The following IGSF21 variants were observed in gnomAD, a reference collection of about 807,000 sequenced individuals.
The protein encoded by IGSF21 is immunoglobin superfamily member 21, also known as immunoglobulin superfamily member 21.
IGSF21 carries 28 observed loss-of-function variants against 46.8 expected under a neutral mutation model. The ratio of observed to expected loss-of-function variants is 0.60; its 90% CI spans 0.44 to 0.82. The LOEUF is 0.82. Among genes scored for constraint, IGSF21 ranks in the 40% least tolerant of loss-of-function variants. IGSF21 has a pLI of 0.00. For missense variants in IGSF21, 624 were observed against 665.5 expected (o/e 0.94, Z 0.69); for synonymous variants, 284 against 273.6 (o/e 1.04, Z -0.38).
At chr1:18,188,398 C>T (rs891392624) in intron 1 of IGSF21, among the ~76,000 whole-genome samples, 2 of 152,078 alleles carry the variant, frequency 1.3e-5, no homozygotes, top group Non-Finnish European at 2.9e-5. Context: ...TTAGTGCATG[C>T]CAGTAAAATA....
At chr1:18,144,626 A>C (rs936051912) in intron 1 of IGSF21, among the ~76,000 whole-genome samples, 1 of 152,090 alleles carries the variant, frequency 6.6e-6, no homozygotes, top group African/African-American at 2.4e-5. Flanking sequence ...TAACCAGAGA[A>C]GCCTCCAGTA....
At chr1:18,171,418 G>A (rs904113651) in intron 1 of IGSF21, among the ~76,000 whole-genome samples, 2 of 152,166 alleles carry the variant, frequency 1.3e-5, no homozygotes, top group African/African-American at 4.8e-5. Context: ...GTGCCTGAAG[G>A]TCCACGATTC....
At chr1:18,246,721 AC>A (rs2084787704) in intron 2 of IGSF21, among the ~76,000 whole-genome samples, 1 of 152,146 alleles carries the variant, frequency 6.6e-6, no homozygotes, top group Admixed American at 6.5e-5. Context: ...TGTCTAGCGC[AC>A]CCTGGCGGCA....
Position 18,273,508 on chromosome 1 carries a change from CT to C in IGSF21, c.184-18355del, listed in dbSNP as rs1557618660. ...TCTTTCTTTCTTTCTTTCTTTCTTT[CT>C]TTCTTTCTTTCGTCTTTCTTTACTT... On this transcript the variant is annotated intron_variant, in intron 2 of 9. Coordinates refer to ENST00000251296, the MANE Select transcript of IGSF21 (RefSeq NM_032880.5). 2.7e-3 allele frequency among the ~76,000 whole-genome samples: 176 copies of C among 64,354 alleles called. 11 individuals are homozygous for C. Among genetic ancestry groups the C allele is most frequent in the African/African-American group, 9.4e-3 (169 of 18,002 alleles). The allele number at this position is 64,354 out of a possible 152,430, so 42.2% of individuals were successfully genotyped here.
chr1:18,151,848 G>A (rs1176307601), intron 1 of IGSF21, among the ~76,000 whole-genome samples: 16 of 152,078 alleles, frequency 1.1e-4, no homozygotes, highest in Admixed American at 1.0e-3. Context: ...CATCATGTGG[G>A]TGACCGTATA....
At chr1:18,193,142 A>G (rs898230985) in intron 1 of IGSF21, among the ~76,000 whole-genome samples, 6 of 152,210 alleles carry the variant, frequency 3.9e-5, no homozygotes, top group South Asian at 2.1e-4. Flanking sequence ...GGCATTTGAC[A>G]CCGACAGCTG....
intron 1 of IGSF21, among the ~76,000 whole-genome samples, chr1:18,218,689 T>TAC (rs2084477670): frequency 6.6e-6 from 1 of 152,184 alleles, no homozygotes; most frequent in African/African-American, 2.4e-5. Flanking sequence ...AATCACTTGA[T>TAC]ACACACACAC....
intron 1 of IGSF21, among the ~76,000 whole-genome samples, chr1:18,143,638 C>T (rs918103614): frequency 6.6e-6 from 1 of 152,168 alleles, no homozygotes; most frequent in Non-Finnish European, 1.5e-5. Flanking sequence ...CTTTCAGAGG[C>T]TGGAGGAATC....
At chr1:18,199,934 A>T (rs1257661019) in intron 1 of IGSF21, among the ~76,000 whole-genome samples, 1 of 149,728 alleles carries the variant, frequency 6.7e-6, no homozygotes. Flanking sequence ...AGGCAATTGC[A>T]TTGTGTGAGC....
At chr1:18,208,395 A>ATTTT (rs1553154097) in intron 1 of IGSF21, among the ~76,000 whole-genome samples, 4 of 123,762 alleles carry the variant, frequency 3.2e-5, no homozygotes, top group South Asian at 2.6e-4. Context: ...ATATATATAT[A>ATTTT]TTTTTTGAGA....
At chr1:18,274,974 C>T (rs2085085022) in intron 2 of IGSF21, among the ~76,000 whole-genome samples, 1 of 152,108 alleles carries the variant, frequency 6.6e-6, no homozygotes, top group African/African-American at 2.4e-5. Flanking sequence ...TTGTAGTAAG[C>T]CGAAATCGCG....
chr1:18,376,153 G>A, intron 6 of IGSF21, 157 bp from the exon 7 acceptor site: 1 of 691,910 alleles, frequency 1.4e-6, no homozygotes. Flanking sequence ...CTGAATGAAT[G>A]CAGCTGTGAA....
chr1:18,225,085 TCACA>T (rs529286231), intron 1 of IGSF21, among the ~76,000 whole-genome samples: 844 of 51,604 alleles, frequency 0.016, 10 homozygotes, highest in South Asian at 0.024. Flanking sequence ...TCTCTCTCTC[TCACA>T]CACACACACA....
In IGSF21 at chr1:18,365,310, A is replaced by G. The variant is rs1440367540; in HGVS notation, c.628A>G (p.Arg210Gly). The change falls in exon 6 of 10, where the codon AGG (arginine) becomes GGG (glycine). Residue 210 changes from arginine to glycine, a missense_variant. By Grantham distance (125) the Arg-to-Gly change is moderately radical. Coordinates refer to ENST00000251296, the MANE Select transcript of IGSF21 (RefSeq NM_032880.5). This position sits in a 1 kb window ranked among gnomAD's most constrained non-coding sequence, Gnocchi z 4.8. ...GAGCTCCGGCCCCCTACAGGACAGCAGGCCCTTCCGCAGCCTTCTGCACCG... is the reference window on the plus strand; with the variant it reads ...GAGCTCCGGCCCCCTACAGGACAGCGGGCCCTTCCGCAGCCTTCTGCACCG... ...AASSGPLQDS[R>G]PFRSLLHRDL... The G allele has an allele frequency of 6.2e-7, 1 of 1,613,934 alleles. No homozygotes were observed. Among genetic ancestry groups the G allele is most frequent in the Non-Finnish European group, 8.5e-7 (1 of 1,180,010 alleles).
At chr1:18,266,785 C>A (rs993955640) in intron 2 of IGSF21, among the ~76,000 whole-genome samples, 6 of 152,178 alleles carry the variant, frequency 3.9e-5, no homozygotes, top group Non-Finnish European at 7.3e-5. Context: ...AAATGGGAAC[C>A]CTTTTGCAAT....
intron 2 of IGSF21, among the ~76,000 whole-genome samples, chr1:18,291,467 C>T (rs554319819): frequency 1.3e-5 from 2 of 152,350 alleles, no homozygotes; most frequent in East Asian, 3.9e-4. Flanking sequence ...GGGACCACCG[C>T]CTTCAGGAGA....
intron 2 of IGSF21, among the ~76,000 whole-genome samples, chr1:18,233,318 G>A (rs1421167629): frequency 2.6e-5 from 4 of 152,176 alleles, no homozygotes; most frequent in Non-Finnish European, 4.4e-5. Flanking sequence ...ATGCGACCTC[G>A]CCAGGTGATC....
At chr1:18,193,395 A>AATAT (rs377588859) in intron 1 of IGSF21, among the ~76,000 whole-genome samples, 6 of 150,542 alleles carry the variant, frequency 4.0e-5, no homozygotes, top group African/African-American at 1.2e-4. Flanking sequence ...GAATTAATGG[A>AATAT]ATATATATAT....
rs139026736 is a variant in IGSF21, at chr1:18,211,652, T to C, written c.71-16246T>C. Among the ~76,000 whole-genome samples, 25 of 152,390 alleles carry C rather than the reference T, an allele frequency of 1.6e-4. No homozygotes were observed. The East Asian group carries it at 3.1e-3, about 19-fold the overall frequency. ...GGCATTATTATTTAATGTAGGCCTA[T>C]TTTAAATTGTAATTTTTTTCATTAA... On this transcript the variant is annotated intron_variant, in intron 1 of 9. Coordinates refer to ENST00000251296, the MANE Select transcript of IGSF21 (RefSeq NM_032880.5).
Sources: gnomAD v4.1 joint callset for allele counts (sites outside exome capture counted in the v4.1 genomes callset) on GRCh38, gnomAD v4.1.1 for gene constraint, Gnocchi (gnomAD v3.1) non-coding constraint, MANE v1.5 for transcripts, NCBI Gene and HGNC (gene_info 2026-07-23, HGNC 2026-07-21) for gene names.